The following THRB variants were observed in gnomAD, a reference collection of about 807,000 sequenced individuals.
The protein encoded by THRB is thyroid hormone receptor beta.
In THRB, 12 loss-of-function variants were observed where a neutral mutation model predicts 47.8. The observed-to-expected ratio is 0.25, with a 90% CI of 0.16 to 0.41. THRB has a LOEUF of 0.41. Ranked by LOEUF, THRB falls within the 10% of genes least tolerant of loss-of-function variation. THRB has a pLI of 1.00. For synonymous variants in THRB, 218 were observed against 212.2 expected, an observed-to-expected ratio of 1.03 and a Z score of -0.24; for missense variants, 348 against 589.2, an observed-to-expected ratio of 0.59 and a Z score of 4.24.
At chr3:24,202,163 A>C (rs2044669141) in intron 4 of THRB, among the ~76,000 whole-genome samples, 1 of 152,186 alleles carries the variant, frequency 6.6e-6, no homozygotes, top group South Asian at 2.1e-4. Flanking sequence ...ACAAAAACTA[A>C]ATTCCATGGG....
chr3:24,299,075 G>A (rs1248820198), intron 2 of THRB, among the ~76,000 whole-genome samples: 5 of 151,494 alleles, frequency 3.3e-5, no homozygotes, highest in Admixed American at 6.6e-5. Context: ...GTGAAACCCC[G>A]TCTCTACTAA....
At chr3:24,367,449 T>A (rs2064556778) in intron 1 of THRB, among the ~76,000 whole-genome samples, 1 of 152,174 alleles carries the variant, frequency 6.6e-6, no homozygotes, top group South Asian at 2.1e-4. Flanking sequence ...TAGGCTTATT[T>A]CCTCAATGGA....
intron 1 of THRB, among the ~76,000 whole-genome samples, chr3:24,359,499 T>C (rs73043748): frequency 0.013 from 2,020 of 152,174 alleles, 21 homozygotes; most frequent in South Asian, 0.033. Context: ...CCTGCCCAAA[T>C]TCAAGGGGAG....
At position 24,133,473 on chromosome 3, in the gene THRB, G is replaced by GA. The variant is rs750223246; in HGVS notation, c.739-12dup. 1 of 1,613,394 alleles carries GA rather than the reference G, an allele frequency of 6.2e-7. No individual in the cohort carries two copies. The highest frequency in any genetic ancestry group is 8.5e-7 in the Non-Finnish European group (1 of 1,179,540). ...TCCAATGTCTTCTGGCTAAGGAGGA[G>GA]AAAAAAGAAAGATTTAAATGAAGAA... On this transcript the variant is annotated splice_polypyrimidine_tract_variant and intron_variant, in intron 8 of 10. Coordinates refer to ENST00000646209, the MANE Select transcript of THRB (RefSeq NM_001354712.2).
At chr3:24,143,870 T>C in intron 7 of THRB, 164 bp from the exon 8 acceptor site, 1 of 689,060 alleles carries the variant, frequency 1.5e-6, no homozygotes, top group Non-Finnish European at 2.6e-6. Context: ...ACCAGCAAAC[T>C]GCCATTGACT....
chr3:24,380,423 C>T (rs539209090), intron 1 of THRB, among the ~76,000 whole-genome samples: 4 of 151,980 alleles, frequency 2.6e-5, no homozygotes, highest in East Asian at 1.9e-4. Flanking sequence ...TGATACTCAG[C>T]GTTCCTTAAA....
intron 3 of THRB, among the ~76,000 whole-genome samples, chr3:24,255,578 C>A (rs1039336959): frequency 2.0e-5 from 3 of 152,060 alleles, no homozygotes; most frequent in Admixed American, 6.6e-5. Flanking sequence ...CCCAGAAGTG[C>A]CAACTAGAAT....
rs115757053 is a variant in THRB at position 24,335,642 on chromosome 3, C to T, written c.-189+1658G>A. On this transcript the variant is annotated intron_variant, in intron 2 of 10. Transcript: ENST00000646209. The stretch of plus-strand genomic sequence containing the variant: ...CATCACTCTAGAAAATTCCCTCATG[C>T]CCCTTGCCAGCCAATCCTCTCTTCT... 7.9e-3 allele frequency among the ~76,000 whole-genome samples: 1,205 copies of T among 152,244 alleles called. 26 individuals carry two copies. Among genetic ancestry groups the T allele is most frequent in the African/African-American group, 0.027 (1,140 of 41,550 alleles).
intron 1 of THRB, among the ~76,000 whole-genome samples, chr3:24,493,830 C>T (rs1365740276): frequency 6.6e-6 from 1 of 152,208 alleles, no homozygotes; most frequent in Admixed American, 6.5e-5. Context: ...TAATAATAAT[C>T]CCACAATGGT....
chr3:24,471,428 A>T (rs962435505), intron 1 of THRB, among the ~76,000 whole-genome samples: 1 of 152,262 alleles, frequency 6.6e-6, no homozygotes, highest in African/African-American at 2.4e-5. Flanking sequence ...TACTAAATTA[A>T]TAATTGATAG....
chr3:24,488,163 C>T (rs974001024), intron 1 of THRB, among the ~76,000 whole-genome samples: 1 of 152,228 alleles, frequency 6.6e-6, no homozygotes, highest in Non-Finnish European at 1.5e-5. Flanking sequence ...TTTCAGTCTA[C>T]ATTCCTTTGT....
chr3:24,307,106 T>G (rs2057401036), intron 2 of THRB, among the ~76,000 whole-genome samples: 2 of 151,996 alleles, frequency 1.3e-5, no homozygotes, highest in Admixed American at 6.6e-5. Context: ...TAATTTTTAA[T>G]TAAACTAAAC....
rs2053063240 is a variant in THRB at position 24,269,413 on chromosome 3, A to ACG, written c.-43+27812_-43+27813insCG. Among the ~76,000 whole-genome samples the ACG allele has an allele frequency of 3.2e-4, 39 of 120,302 alleles. No individual in the cohort carries two copies. The Admixed American group carries it at 3.3e-3, about 10-fold the overall frequency. 78.9% of individuals were successfully genotyped at this position (120,302 alleles called of 152,430 possible). A position where few individuals can be genotyped will look rare whatever the true frequency, so the allele number is the denominator to read the frequency against. On this transcript the variant is annotated intron_variant, in intron 3 of 10. Coordinates refer to ENST00000646209, the MANE Select transcript of THRB (RefSeq NM_001354712.2). ...CGCGCGCGCGCGCGCGCACACACAC[A>ACG]CACACACACACACACACACACACAC...
At chr3:24,273,340 T>C (rs1420509130) in intron 3 of THRB, among the ~76,000 whole-genome samples, 2 of 152,204 alleles carry the variant, frequency 1.3e-5, no homozygotes, top group Admixed American at 6.5e-5. Flanking sequence ...CCCTGCTTCA[T>C]AGAGCTTACA....
intron 4 of THRB, among the ~76,000 whole-genome samples, chr3:24,210,250 G>T (rs1314569377): frequency 2.6e-5 from 4 of 152,174 alleles, no homozygotes; most frequent in African/African-American, 9.7e-5. Context: ...GATGGGGAGG[G>T]TGGGAGGAAA....
At chr3:24,488,886 T>A (rs921633827) in intron 1 of THRB, among the ~76,000 whole-genome samples, 2 of 152,182 alleles carry the variant, frequency 1.3e-5, no homozygotes, top group African/African-American at 4.8e-5. Flanking sequence ...TATTTTGCCA[T>A]AAAAGATTTT....
intron 1 of THRB, among the ~76,000 whole-genome samples, chr3:24,422,612 C>A (rs1184127889): frequency 6.6e-6 from 1 of 152,004 alleles, no homozygotes; most frequent in African/African-American, 2.4e-5. Context: ...GACAGATGTG[C>A]GTGGCGAATG....
intron 3 of THRB, among the ~76,000 whole-genome samples, chr3:24,279,814 C>T (rs965380447): frequency 6.6e-5 from 10 of 152,186 alleles, no homozygotes. Flanking sequence ...CCTTATTACT[C>T]TCCCTTACTT....
intron 3 of THRB, among the ~76,000 whole-genome samples, chr3:24,293,122 T>G (rs1411938970): frequency 6.6e-6 from 1 of 152,264 alleles, no homozygotes; most frequent in Non-Finnish European, 1.5e-5. Flanking sequence ...TTAGGCATGT[T>G]ACTTTTAAAA....
Sources: gnomAD v4.1 joint callset for allele counts (sites outside exome capture counted in the v4.1 genomes callset) on GRCh38, gnomAD v4.1.1 for gene constraint, MANE v1.5 for transcripts, NCBI Gene and HGNC (gene_info 2026-07-23, HGNC 2026-07-21) for gene names.